The following DPP10 variants were observed in gnomAD, a reference collection of about 807,000 sequenced individuals.
DPP10 encodes inactive dipeptidyl peptidase 10.
In DPP10, 33 loss-of-function variants were observed where a neutral mutation model predicts 120.9. The ratio of observed to expected loss-of-function variants is 0.27; its 90% CI spans 0.21 to 0.37. DPP10 has a LOEUF of 0.37. Ranked by LOEUF, DPP10 falls within the 10% of genes least tolerant of loss-of-function variation. The pLI, the probability that DPP10 is intolerant of heterozygous loss-of-function variation, is 1.00. For synonymous variants in DPP10, 337 were observed against 326.1 expected (o/e 1.03, Z -0.36); for missense variants, 816 against 942.8 (o/e 0.87, Z 1.76).
intron 1 of DPP10, among the ~76,000 whole-genome samples, chr2:114,845,308 G>A (rs895454537): frequency 3.3e-5 from 5 of 152,126 alleles, no homozygotes; most frequent in African/African-American, 1.2e-4. Context: ...AACATTGCAT[G>A]ATTACTTCAT....
intron 7 of DPP10, among the ~76,000 whole-genome samples, chr2:115,706,323 T>C (rs1307606937): frequency 6.6e-6 from 1 of 152,002 alleles, no homozygotes; most frequent in African/African-American, 2.4e-5. Context: ...GTAATGACTT[T>C]ATCTTTTTTC....
chr2:115,336,686 A>C (rs1473097899), intron 2 of DPP10, among the ~76,000 whole-genome samples: 2 of 151,758 alleles, frequency 1.3e-5, no homozygotes, highest in Non-Finnish European at 2.9e-5. Flanking sequence ...AAGGAGAACA[A>C]CCTATGAGAG....
intron 1 of DPP10, among the ~76,000 whole-genome samples, chr2:115,227,908 C>T (rs535683729): frequency 7.1e-5 from 10 of 140,008 alleles, no homozygotes; most frequent in African/African-American, 7.8e-5. Flanking sequence ...GAGATACATC[C>T]GATTTCTTTT....
chr2:114,608,005 G>A (rs1252516823), intron 1 of DPP10, among the ~76,000 whole-genome samples: 2 of 152,166 alleles, frequency 1.3e-5, no homozygotes, highest in Non-Finnish European at 2.9e-5. Flanking sequence ...TGAGCCTCAA[G>A]GTTTTCATCC....
At position 114,933,829 on chromosome 2, in the gene DPP10, C is replaced by T. The variant is rs575555057; in HGVS notation, c.61-375410C>T. On this transcript the variant is annotated intron_variant, in intron 1 of 25. Transcript: ENST00000410059. ...TGATTCAGTAGATCCAGAGAGGGGC[C>T]TAAGAATTTTCACCGCAATAATTCT... Among the ~76,000 whole-genome samples the T allele has an allele frequency of 5.3e-5, 8 of 152,214 alleles. No individual in the cohort carries two copies. The South Asian group carries it at 1.2e-3, about 24-fold the overall frequency.
chr2:115,614,024 T>A (rs562824397), intron 5 of DPP10, among the ~76,000 whole-genome samples: 1 of 152,252 alleles, frequency 6.6e-6, no homozygotes, highest in South Asian at 2.1e-4. Context: ...TTCTGTAGAC[T>A]GCTGATGGAG....
chr2:115,722,482 A>G (rs911768083), intron 7 of DPP10, among the ~76,000 whole-genome samples: 9 of 152,018 alleles, frequency 5.9e-5, no homozygotes, highest in African/African-American at 2.2e-4. Context: ...TCGTTGTGCA[A>G]ACATCATAGG....
At chr2:114,864,366 C>G (rs1012783175) in intron 1 of DPP10, among the ~76,000 whole-genome samples, 1 of 152,138 alleles carries the variant, frequency 6.6e-6, no homozygotes, top group Admixed American at 6.5e-5. Context: ...AGTCTTACAA[C>G]CCTGAAGACT....
intron 1 of DPP10, among the ~76,000 whole-genome samples, chr2:114,483,293 T>G (rs1056466602): frequency 3.3e-5 from 5 of 152,054 alleles, no homozygotes; most frequent in Admixed American, 6.6e-5. Context: ...GAGGTGAGTT[T>G]GTTTCTGTGA....
intron 5 of DPP10, among the ~76,000 whole-genome samples, chr2:115,648,612 T>TA (rs771052298): frequency 0.015 from 2,004 of 137,952 alleles, 29 homozygotes; most frequent in African/African-American, 0.049. Flanking sequence ...CCCCGGAACT[T>TA]AAAAAAAAAA....
At chr2:114,644,308 T>C (rs1260760777) in intron 1 of DPP10, among the ~76,000 whole-genome samples, 1 of 151,034 alleles carries the variant, frequency 6.6e-6, no homozygotes. Flanking sequence ...CATAACCATG[T>C]AGTCCTACCT....
intron 1 of DPP10, among the ~76,000 whole-genome samples, chr2:114,754,953 A>G (rs1679590072): frequency 6.6e-6 from 1 of 152,226 alleles, no homozygotes; most frequent in South Asian, 2.1e-4. Context: ...TAAATGGTTA[A>G]CTTTTAGTCA....
At chr2:115,746,299 C>T in intron 10 of DPP10, 116 bp downstream of exon 10, 3 of 900,172 alleles carry the variant, frequency 3.3e-6, no homozygotes, top group Non-Finnish European at 5.2e-6. Context: ...GAAAATAAAG[C>T]TGAAGTTGCC....
chr2:115,195,688 G>T (rs959461444), intron 1 of DPP10, among the ~76,000 whole-genome samples: 2 of 151,972 alleles, frequency 1.3e-5, no homozygotes, highest in South Asian at 4.1e-4. Flanking sequence ...TGTTCATTTA[G>T]AAGTGGTAAA....
chr2:114,753,080 G>C (rs528050656), intron 1 of DPP10, among the ~76,000 whole-genome samples: 167 of 152,254 alleles, frequency 1.1e-3, no homozygotes, highest in Non-Finnish European at 2.1e-3. Context: ...AGGAGGGGAA[G>C]GGGAGGAGGT....
intron 21 of DPP10, among the ~76,000 whole-genome samples, chr2:115,831,276 T>A (rs1270359927): frequency 2.0e-5 from 3 of 151,882 alleles, no homozygotes; most frequent in East Asian, 3.9e-4. Flanking sequence ...TGAGACGGAG[T>A]CTTACTCAGT....
rs573209473 is a variant in DPP10, at chr2:115,813,244, A to T, written c.1701-1549A>T. ...GATCCACCCGCCTCGGCCTGACTGG[A>T]TATCTTAAACAATGGAAATTAATTT... On this transcript the variant is annotated intron_variant, in intron 19 of 25. Coordinates refer to ENST00000410059, the MANE Select transcript of DPP10 (RefSeq NM_020868.6). 1.9e-4 allele frequency among the ~76,000 whole-genome samples: 29 copies of T among 152,214 alleles called. No individual in the cohort carries two copies. The South Asian group carries it at 5.2e-3, about 27-fold the overall frequency.
chr2:114,588,565 C>T (rs1352644681), intron 1 of DPP10, among the ~76,000 whole-genome samples: 5 of 152,168 alleles, frequency 3.3e-5, no homozygotes, highest in Non-Finnish European at 5.9e-5. Context: ...GAGTATGCTA[C>T]TTACCCTGAT....
chr2:115,627,421 A>C (rs1410790837), intron 5 of DPP10, among the ~76,000 whole-genome samples: 1 of 152,174 alleles, frequency 6.6e-6, no homozygotes, highest in African/African-American at 2.4e-5. Context: ...AAAGTGAATA[A>C]CCAGGGACTG....
Sources: gnomAD v4.1 joint callset for allele counts (sites outside exome capture counted in the v4.1 genomes callset) on GRCh38, gnomAD v4.1.1 for gene constraint, MANE v1.5 for transcripts, NCBI Gene and HGNC (gene_info 2026-07-23, HGNC 2026-07-21) for gene names.